The following SLC25A21 variants were observed in gnomAD, a reference collection of about 807,000 sequenced individuals.
The protein encoded by SLC25A21 is mitochondrial 2-oxodicarboxylate carrier.
Under a neutral mutation model 43.8 loss-of-function variants are expected in SLC25A21, and 47 were observed. That is an observed-to-expected ratio of 1.07 (90% CI 0.85 to 1.37). The LOEUF (loss-of-function observed/expected upper bound fraction) is 1.37, where lower values mean the gene tolerates loss of function less well. Among genes scored for constraint, SLC25A21 ranks in the 40% most tolerant of loss-of-function variants. The probability of loss-of-function intolerance (pLI) is 0.00; values close to 1 mark genes in which losing one functional copy is unlikely to be tolerated. For synonymous variants in SLC25A21, 131 were observed against 121.3 expected, an observed-to-expected ratio of 1.08 and a Z score of -0.52; for missense variants, 352 against 350.2, an observed-to-expected ratio of 1.00 and a Z score of -0.04.
At chr14:37,082,089 G>C (rs1393357826) in intron 1 of SLC25A21, among the ~76,000 whole-genome samples, 1 of 152,160 alleles carries the variant, frequency 6.6e-6, no homozygotes, top group Non-Finnish European at 1.5e-5. Context: ...GCAGCAACAT[G>C]GATGGGGTTA....
chr14:36,892,584 C>G (rs1185274), intron 1 of SLC25A21, among the ~76,000 whole-genome samples: 16,882 of 151,800 alleles, frequency 0.11, 1,210 homozygotes, highest in East Asian at 0.2. Context: ...TTTTAGGGTA[C>G]GTGTGCACAA....
intron 1 of SLC25A21, among the ~76,000 whole-genome samples, chr14:37,115,946 A>G (rs578042867): frequency 1.7e-4 from 26 of 152,218 alleles, no homozygotes; most frequent in Non-Finnish European, 3.1e-4. Context: ...TACATTAAGA[A>G]TGAAAATACA....
chr14:36,816,823 T>C (rs935843542), intron 2 of SLC25A21, among the ~76,000 whole-genome samples: 2 of 152,114 alleles, frequency 1.3e-5, no homozygotes, highest in Admixed American at 6.6e-5. Flanking sequence ...CTTTGAAACA[T>C]ACAGAGCAAT....
At chr14:36,955,887 G>T (rs1333962842) in intron 1 of SLC25A21, among the ~76,000 whole-genome samples, 1 of 152,150 alleles carries the variant, frequency 6.6e-6, no homozygotes, top group Admixed American at 6.6e-5. Flanking sequence ...TCAAATCCCA[G>T]CTTGGTCCTA....
At chr14:36,958,137 A>G (rs1424361137) in intron 1 of SLC25A21, among the ~76,000 whole-genome samples, 2 of 151,124 alleles carry the variant, frequency 1.3e-5, no homozygotes, top group Admixed American at 6.6e-5. Context: ...ACTTTAAGCC[A>G]TTTCTAGGTG....
At chr14:36,731,012 G>A (rs537714382) in intron 4 of SLC25A21, among the ~76,000 whole-genome samples, 4 of 146,556 alleles carry the variant, frequency 2.7e-5, no homozygotes, top group East Asian at 4.0e-4. Context: ...TCGCTCTGTC[G>A]CCCAGGCTGG....
At chr14:36,727,800 T>A (rs1385413571) in intron 5 of SLC25A21, among the ~76,000 whole-genome samples, 1 of 152,222 alleles carries the variant, frequency 6.6e-6, no homozygotes, top group Non-Finnish European at 1.5e-5. Context: ...CATTATAATT[T>A]TAAACATATT....
chr14:36,819,997 C>T (rs1234038443), intron 2 of SLC25A21, among the ~76,000 whole-genome samples: 7 of 152,066 alleles, frequency 4.6e-5, no homozygotes, highest in South Asian at 4.2e-4. Context: ...GCTACATTTG[C>T]ATAGCACACG....
intron 3 of SLC25A21, among the ~76,000 whole-genome samples, chr14:36,785,868 T>C (rs1350566208): frequency 6.6e-6 from 1 of 152,210 alleles, no homozygotes; most frequent in East Asian, 1.9e-4. Context: ...CATGGTTAAG[T>C]TGGGGGACTC....
intron 1 of SLC25A21, among the ~76,000 whole-genome samples, chr14:36,978,375 T>C (rs1959930959): frequency 6.6e-6 from 1 of 152,222 alleles, no homozygotes; most frequent in Non-Finnish European, 1.5e-5. Flanking sequence ...GTGATAGTGT[T>C]ATGCCTAAAA....
chr14:36,895,901 G>C (rs1359615737), intron 1 of SLC25A21, among the ~76,000 whole-genome samples: 1 of 152,214 alleles, frequency 6.6e-6, no homozygotes, highest in Admixed American at 6.5e-5. Context: ...TGTGGTCTGA[G>C]AGACAGTTTG....
At chr14:37,080,963 T>C (rs928325186) in intron 1 of SLC25A21, among the ~76,000 whole-genome samples, 2 of 152,206 alleles carry the variant, frequency 1.3e-5, no homozygotes, top group African/African-American at 2.4e-5. Context: ...AATTGTTAAA[T>C]GGTTATCGAC....
intron 1 of SLC25A21, among the ~76,000 whole-genome samples, chr14:37,022,587 A>T (rs1051585714): frequency 1.3e-5 from 2 of 152,108 alleles, no homozygotes; most frequent in African/African-American, 4.8e-5. Flanking sequence ...TCATCAGTTC[A>T]ATCCTAGATC....
chr14:36,921,265 T>C (rs1891973589), intron 1 of SLC25A21, among the ~76,000 whole-genome samples: 1 of 152,150 alleles, frequency 6.6e-6, no homozygotes, highest in Non-Finnish European at 1.5e-5. Flanking sequence ...TCAAAGGAGA[T>C]AATATTAGTA....
intron 3 of SLC25A21, among the ~76,000 whole-genome samples, chr14:36,806,392 C>T (rs995026847): frequency 1.3e-5 from 2 of 151,966 alleles, no homozygotes; most frequent in Non-Finnish European, 1.5e-5. Context: ...GTTTCTAATA[C>T]AAGAAATGAT....
intron 6 of SLC25A21, among the ~76,000 whole-genome samples, chr14:36,714,052 G>C (rs183850909): frequency 6.6e-6 from 1 of 152,306 alleles, no homozygotes; most frequent in Admixed American, 6.5e-5. Flanking sequence ...CAGGATTGTT[G>C]AGATTGTTGA....
chr14:36,743,993 T>C (rs929332698), intron 3 of SLC25A21, among the ~76,000 whole-genome samples: 1 of 152,122 alleles, frequency 6.6e-6, no homozygotes, highest in Non-Finnish European at 1.5e-5. Flanking sequence ...GGAGTATTTG[T>C]ACTTTGACAA....
intron 1 of SLC25A21, among the ~76,000 whole-genome samples, chr14:36,917,214 G>C (rs991891326): frequency 6.6e-6 from 1 of 151,992 alleles, no homozygotes; most frequent in African/African-American, 2.4e-5. Flanking sequence ...ACCCATAGAA[G>C]AAAGAGTTAT....
chr14:36,862,101 C>T (rs577459117), intron 2 of SLC25A21, among the ~76,000 whole-genome samples: 20 of 152,210 alleles, frequency 1.3e-4, no homozygotes, highest in South Asian at 4.2e-4. Context: ...ATTGAAAAGT[C>T]GGGAAACAAC....
Sources: allele counts gnomAD v4.1 joint callset (sites outside exome capture counted in the v4.1 genomes callset), GRCh38; gene constraint gnomAD v4.1.1; transcripts MANE v1.5; gene names NCBI Gene and HGNC (gene_info 2026-07-23, HGNC 2026-07-21).